The following SVOPL variants were observed in gnomAD, a reference collection of about 807,000 sequenced individuals.
SVOPL encodes the protein putative transporter SVOPL.
In SVOPL, 60 loss-of-function variants were observed where a neutral mutation model predicts 61.0. That is an observed-to-expected ratio of 0.98 (90% CI 0.80 to 1.22). The LOEUF is 1.22. Among genes scored for constraint, SVOPL ranks in the 50% most tolerant of loss-of-function variants. The pLI is 0.00. For synonymous variants in SVOPL, 279 were observed against 250.0 expected, an observed-to-expected ratio of 1.12 and a Z score of -1.09; for missense variants, 662 against 643.9, an observed-to-expected ratio of 1.03 and a Z score of -0.30.
At chr7:138,677,700 G>A (rs896829421) in intron 3 of SVOPL, among the ~76,000 whole-genome samples, 2 of 151,350 alleles carry the variant, frequency 1.3e-5, no homozygotes, top group Admixed American at 6.6e-5. Flanking sequence ...TGTCTCTAAG[G>A]GCAGCCACTA....
intron 14 of SVOPL, among the ~76,000 whole-genome samples, chr7:138,617,746 G>A (rs1430195463): frequency 6.6e-6 from 1 of 152,090 alleles, no homozygotes; most frequent in Non-Finnish European, 1.5e-5. Context: ...TGAGGTGGGA[G>A]GATTACTTGA....
chr7:138,644,672 A>T (rs746723106), intron 9 of SVOPL, 45 bp downstream of exon 9: 2 of 1,602,190 alleles, frequency 1.2e-6, no homozygotes, highest in South Asian at 2.2e-5. Context: ...GGGATTTCCC[A>T]GTGGCCACTG....
chr7:138,668,166 G>A (rs1802320423), intron 4 of SVOPL, among the ~76,000 whole-genome samples: 1 of 152,000 alleles, frequency 6.6e-6, no homozygotes, highest in South Asian at 2.1e-4. Context: ...CAGCGCAAGA[G>A]GAAAGCGTCA....
intron 9 of SVOPL, among the ~76,000 whole-genome samples, chr7:138,642,247 T>A (rs1584820927): frequency 4.7e-5 from 4 of 84,664 alleles, no homozygotes; most frequent in Admixed American, 1.3e-4. Flanking sequence ...CTCAACAAGC[T>A]AGAACAAAAA....
In SVOPL at chr7:138,614,253, CAG is replaced by C. The variant is rs532073758; in HGVS notation, c.1353+6791_1353+6792del. Among the ~76,000 whole-genome samples, 1,369 of 152,284 alleles carry C rather than the reference CAG, an allele frequency of 9.0e-3. 7 individuals carry two copies. The highest frequency in any genetic ancestry group is 0.015 in the Non-Finnish European group (994 of 68,016). ...ATTAAGGAATTCTCCTTCCTCCTAACAGAGTCTCTGTTTGTCTACTTTGCTCT... is the reference window on the plus strand; with the variant it reads ...ATTAAGGAATTCTCCTTCCTCCTAACAGTCTCTGTTTGTCTACTTTGCTCT... On this transcript the variant is annotated intron_variant, in intron 14 of 15. Coordinates refer to ENST00000674285, the MANE Select transcript of SVOPL (RefSeq NM_001139456.2).
intron 1 of SVOPL, among the ~76,000 whole-genome samples, chr7:138,695,403 C>T (rs1459903109): frequency 6.6e-6 from 1 of 152,076 alleles, no homozygotes. Flanking sequence ...TCCTCGCTAC[C>T]TGGGAGGCTG....
rs563649418 is a variant in SVOPL at position 138,630,673 on chromosome 7, G to T, written c.790-551C>A. On this transcript the variant is annotated intron_variant, in intron 9 of 15. Transcript: ENST00000674285. ...ACAAGTAAGAATGGGCTGGGTGTGG[G>T]GGCTCACGCCTGTAATCCCAGCACT... 5.3e-5 allele frequency among the ~76,000 whole-genome samples: 8 copies of T among 152,100 alleles called. No homozygotes were observed. The South Asian group carries it at 6.2e-4, about 12-fold the overall frequency.
rs756727690 is a variant in SVOPL, at chr7:138,701,341, G to A, written c.-198C>T. 1.1e-4 allele frequency: 16 copies of A among 152,176 alleles called. No homozygotes were observed. The highest frequency in any genetic ancestry group is 3.4e-4 in the African/African-American group (14 of 41,434). The allele number at this position is 152,176 out of a possible 1,614,324, so 9.4% of individuals were successfully genotyped here. Reference sequence around the variant, plus strand: ...TGGTCTTATCCTCTCCTTTCAGGTCGGGTCTCAGATCAGGATTCTTTAAGG... The same window carrying A: ...TGGTCTTATCCTCTCCTTTCAGGTCAGGTCTCAGATCAGGATTCTTTAAGG... On this transcript the variant is annotated 5_prime_UTR_variant, in exon 1 of 16. Coordinates refer to ENST00000674285, the MANE Select transcript of SVOPL (RefSeq NM_001139456.2).
At chr7:138,621,202 C>A (rs763357489) in intron 13 of SVOPL, 67 bp from the exon 14 acceptor site, 1 of 1,384,104 alleles carries the variant, frequency 7.2e-7, no homozygotes, top group East Asian at 2.5e-5. Context: ...CTCCTCTTCC[C>A]CTTCCTCCCC....
At chr7:138,670,769 G>A (rs1477682674) in intron 4 of SVOPL, among the ~76,000 whole-genome samples, 2 of 152,124 alleles carry the variant, frequency 1.3e-5, no homozygotes, top group Non-Finnish European at 1.5e-5. Flanking sequence ...CACTAGGAAA[G>A]ATGAACCCTA....
At chr7:138,630,641 G>GAAA (rs1170962379) in intron 9 of SVOPL, among the ~76,000 whole-genome samples, 1 of 152,060 alleles carries the variant, frequency 6.6e-6, no homozygotes, top group Non-Finnish European at 1.5e-5. Flanking sequence ...AATAACTTTG[G>GAAA]ATAAAAACAA....
At chr7:138,674,354 G>C (rs1802503661) in intron 3 of SVOPL, among the ~76,000 whole-genome samples, 1 of 151,984 alleles carries the variant, frequency 6.6e-6, no homozygotes, top group Non-Finnish European at 1.5e-5. Flanking sequence ...ATAAGGGCCT[G>C]AACAGGTGGA....
At chr7:138,669,774 C>T (rs1400150707) in intron 4 of SVOPL, among the ~76,000 whole-genome samples, 5 of 152,252 alleles carry the variant, frequency 3.3e-5, no homozygotes, top group Non-Finnish European at 7.3e-5. Flanking sequence ...TATTGGTAAT[C>T]ACTCTTGTGA....
rs533075140 is a variant in SVOPL at position 138,662,710 on chromosome 7, C to T, written c.345+364G>A. The stretch of plus-strand genomic sequence containing the variant: ...CTCAACACCACCACAGTAAACTGGA[C>T]GTGGTGGGGGCATCTAACCAACCCA... On this transcript the variant is annotated intron_variant, in intron 5 of 15. Coordinates refer to ENST00000674285, the MANE Select transcript of SVOPL (RefSeq NM_001139456.2). 3.6e-5 allele frequency: 38 copies of T among 1,057,212 alleles called. No individual in the cohort carries two copies. In the South Asian group the frequency reaches 5.7e-4, roughly 16 times the overall value. 65.5% of individuals were successfully genotyped at this position (1,057,212 alleles called of 1,614,324 possible).
At chr7:138,682,861 G>A (rs574460529) in intron 1 of SVOPL, among the ~76,000 whole-genome samples, 6 of 151,510 alleles carry the variant, frequency 4.0e-5, no homozygotes, top group South Asian at 4.2e-4. Flanking sequence ...TCAGCTACTC[G>A]GGAGGCTGAG....
In SVOPL at chr7:138,668,441, C is replaced by T. The variant is rs192172006; in HGVS notation, c.273+3578G>A. ...TGGGCTGTTACATTCTTCCCAGTCA[C>T]ACCCTCAAGCTCTAGCTCAATAAAC... is the stretch of plus-strand genomic sequence containing the variant. On this transcript the variant is annotated intron_variant, in intron 4 of 15. Coordinates refer to ENST00000674285, the MANE Select transcript of SVOPL (RefSeq NM_001139456.2). 3.6e-3 allele frequency among the ~76,000 whole-genome samples: 554 copies of T among 152,284 alleles called. 3 individuals carry two copies. Among genetic ancestry groups the T allele is most frequent in the Non-Finnish European group, 5.0e-3 (341 of 68,026 alleles).
At chr7:138,602,923 C>T (rs186680347) in intron 14 of SVOPL, among the ~76,000 whole-genome samples, 3 of 152,264 alleles carry the variant, frequency 2.0e-5, no homozygotes, top group Admixed American at 2.0e-4. Flanking sequence ...CCATCTGCCT[C>T]TGCAGGTCAC....
chr7:138,689,179 TG>T, intron 1 of SVOPL: 1 of 1,064,050 alleles, frequency 9.4e-7, no homozygotes, highest in Non-Finnish European at 1.5e-6. Flanking sequence ...AATGGTGGAG[TG>T]GGCAGGTGTG....
chr7:138,681,508 G>A (rs945861313), intron 1 of SVOPL, among the ~76,000 whole-genome samples: 6 of 151,972 alleles, frequency 3.9e-5, no homozygotes, highest in Admixed American at 2.0e-4. Context: ...AGACCCCTGG[G>A]GTTGTAATGA....
Sources: gnomAD v4.1 joint callset for allele counts (sites outside exome capture counted in the v4.1 genomes callset) on GRCh38, gnomAD v4.1.1 for gene constraint, MANE v1.5 for transcripts, NCBI Gene and HGNC (gene_info 2026-07-23, HGNC 2026-07-21) for gene names.